The following ZC3H12B variants were observed in gnomAD, a reference collection of about 807,000 sequenced individuals.
ZC3H12B encodes probable ribonuclease ZC3H12B.
Under a neutral mutation model 43.9 loss-of-function variants are expected in ZC3H12B, and 7 were observed. That is an observed-to-expected ratio of 0.16 (90% CI 0.09 to 0.30). ZC3H12B has a LOEUF of 0.30. Ranked by LOEUF, ZC3H12B falls within the 10% of genes least tolerant of loss-of-function variation. ZC3H12B has a pLI of 1.00. For missense variants in ZC3H12B, 475 were observed against 670.2 expected (o/e 0.71, Z 3.22); for synonymous variants, 222 against 241.7 (o/e 0.92, Z 0.76).
intron 3 of ZC3H12B, among the ~76,000 whole-genome samples, chrX:65,400,354 A>G (rs1372903371): frequency 9.0e-6 from 1 of 110,993 alleles, no homozygotes; most frequent in African/African-American, 3.3e-5. Context: ...AGAGTAGGAA[A>G]TAAACTCAAA....
At chrX:65,347,677 G>T in the ZC3H12B span, among the ~76,000 whole-genome samples, 3 of 112,330 alleles carry the variant, frequency 2.7e-5, no homozygotes, top group Non-Finnish European at 5.6e-5. Flanking sequence ...AGTCAGTGTG[G>T]CGATTCCTCA....
the ZC3H12B span, among the ~76,000 whole-genome samples, chrX:65,238,659 G>A: frequency 1.8e-5 from 2 of 111,214 alleles, no homozygotes; most frequent in South Asian, 7.5e-4. Context: ...TAATTTTCTA[G>A]TTCTTTTAGT....
intron 3 of ZC3H12B, among the ~76,000 whole-genome samples, chrX:65,467,782 AC>A (rs1170249420): frequency 1.8e-5 from 2 of 112,022 alleles, no homozygotes; most frequent in Non-Finnish European, 3.8e-5. Flanking sequence ...TCACTTGCCC[AC>A]TTTTTGATGG....
intron 3 of ZC3H12B, among the ~76,000 whole-genome samples, chrX:65,463,569 A>G: frequency 9.0e-6 from 1 of 110,696 alleles, no homozygotes; most frequent in African/African-American, 3.3e-5. Flanking sequence ...GCAGGGCTGC[A>G]CTCTTTCCGG....
chrX:65,213,662 G>T, the ZC3H12B span, among the ~76,000 whole-genome samples: 1 of 110,307 alleles, frequency 9.1e-6, no homozygotes, highest in South Asian at 3.8e-4. Context: ...TTGTTTTTGT[G>T]TATATTTCTC....
At chrX:65,392,401 G>C (rs2066632641) in intron 2 of ZC3H12B, among the ~76,000 whole-genome samples, 1 of 111,529 alleles carries the variant, frequency 9.0e-6, no homozygotes. Flanking sequence ...GAACTGAGGA[G>C]CGCCTCTGTC....
At chrX:65,277,955 A>G in the ZC3H12B span, among the ~76,000 whole-genome samples, 3 of 111,460 alleles carry the variant, frequency 2.7e-5, no homozygotes, top group East Asian at 8.4e-4. Context: ...AAATTGACAA[A>G]CGTTATTTAT....
At chrX:65,455,806 G>C (rs1350016419) in intron 3 of ZC3H12B, among the ~76,000 whole-genome samples, 2 of 112,152 alleles carry the variant, frequency 1.8e-5, no homozygotes, top group Admixed American at 9.5e-5. Flanking sequence ...AGCCAGAAGA[G>C]AGTGGGGGCC....
At chrX:65,242,045 A>G in the ZC3H12B span, among the ~76,000 whole-genome samples, 1 of 111,267 alleles carries the variant, frequency 9.0e-6, no homozygotes, top group East Asian at 2.8e-4. Context: ...TCTGTGGAAG[A>G]AGTGTGGTTT....
the ZC3H12B span, among the ~76,000 whole-genome samples, chrX:65,203,396 G>C: frequency 9.0e-6 from 1 of 111,365 alleles, no homozygotes; most frequent in Non-Finnish European, 1.9e-5. Context: ...GTACTGCCTG[G>C]TTATTACTGC....
At chrX:65,324,374 C>A in the ZC3H12B span, among the ~76,000 whole-genome samples, 1 of 110,698 alleles carries the variant, frequency 9.0e-6, no homozygotes, top group Admixed American at 9.6e-5. Context: ...TTCTTTTTTT[C>A]TATTCCATTG....
At chrX:65,348,556 A>G in the ZC3H12B span, among the ~76,000 whole-genome samples, 1 of 111,458 alleles carries the variant, frequency 9.0e-6, no homozygotes, top group Non-Finnish European at 1.9e-5. Flanking sequence ...CAATTAAAAG[A>G]CACAGGCTGC....
the ZC3H12B span, among the ~76,000 whole-genome samples, chrX:65,138,253 CT>C: frequency 1.9e-4 from 21 of 111,971 alleles, no homozygotes; most frequent in South Asian, 5.2e-3. Flanking sequence ...CCCTCCACCC[CT>C]AACCCTTTCC....
the ZC3H12B span, among the ~76,000 whole-genome samples, chrX:65,216,353 A>G: frequency 6.3e-5 from 7 of 110,887 alleles, no homozygotes; most frequent in Admixed American, 6.7e-4. Context: ...TCACACTGGA[A>G]CTCAGCATAG....
At chrX:65,369,783 G>C (rs1199144055) in intron 2 of ZC3H12B, among the ~76,000 whole-genome samples, 2 of 111,726 alleles carry the variant, frequency 1.8e-5, no homozygotes, top group Non-Finnish European at 3.8e-5. Context: ...TCCTTTGTAA[G>C]TGTAGAATCA....
chrX:65,476,988 A>ATTTTTTTT (rs3065468), intron 3 of ZC3H12B, among the ~76,000 whole-genome samples: 2 of 90,738 alleles, frequency 2.2e-5, no homozygotes, highest in African/African-American at 4.5e-5. Context: ...CTCCTGACTA[A>ATTTTTTTT]TTTTTTTTTT....
At chrX:65,332,056 A>T in the ZC3H12B span, among the ~76,000 whole-genome samples, 1 of 110,996 alleles carries the variant, frequency 9.0e-6, no homozygotes, top group South Asian at 3.8e-4. Flanking sequence ...AGAATGCCTT[A>T]TCCTGGGAAT....
At chrX:65,209,601 A>C in the ZC3H12B span, among the ~76,000 whole-genome samples, 23 of 107,648 alleles carry the variant, frequency 2.1e-4, no homozygotes, top group Non-Finnish European at 4.0e-4. Context: ...ACTTCCAACT[A>C]TGTGGTCAAT....
At chrX:65,228,792 A>G in the ZC3H12B span, among the ~76,000 whole-genome samples, 1 of 112,022 alleles carries the variant, frequency 8.9e-6, no homozygotes, top group African/African-American at 3.2e-5. Flanking sequence ...AATTGCTTCA[A>G]AGAGAATAAA....
Sources: gnomAD v4.1 joint callset for allele counts (sites outside exome capture counted in the v4.1 genomes callset) on GRCh38, gnomAD v4.1.1 for gene constraint, MANE v1.5 for transcripts, NCBI Gene and HGNC (gene_info 2026-07-23, HGNC 2026-07-21) for gene names.